Variants in RABGAP1L observed in about 807,000 individuals in gnomAD.
RABGAP1L encodes rab GTPase-activating protein 1-like.
In RABGAP1L, 63 loss-of-function variants were observed where a neutral mutation model predicts 137.7. That is an observed-to-expected ratio of 0.46 (90% confidence interval 0.37 to 0.56). RABGAP1L has a LOEUF of 0.56. Among genes scored for constraint, RABGAP1L ranks in the 20% least tolerant of loss-of-function variants. The pLI is 0.00. For synonymous variants in RABGAP1L, 431 were observed against 433.7 expected (o/e 0.99, Z 0.08); for missense variants, 1,095 against 1,244.0 (o/e 0.88, Z 1.80).
At chr1:174,840,926 A>G (rs1320659586) in intron 19 of RABGAP1L, among the ~76,000 whole-genome samples, 1 of 152,120 alleles carries the variant, frequency 6.6e-6, no homozygotes, top group Non-Finnish European at 1.5e-5. Context: ...TAGAGATTAT[A>G]TCTTTACTGT....
chr1:174,989,372 A>G (rs1356945870), intron 25 of RABGAP1L, among the ~76,000 whole-genome samples: 3 of 152,120 alleles, frequency 2.0e-5, no homozygotes, highest in African/African-American at 7.2e-5. Flanking sequence ...AGTGATCCCT[A>G]CCAGCACCAT....
intron 7 of RABGAP1L, among the ~76,000 whole-genome samples, chr1:174,266,060 C>T (rs1221671472): frequency 6.6e-6 from 1 of 152,086 alleles, no homozygotes; most frequent in Non-Finnish European, 1.5e-5. Flanking sequence ...CTTCCTATTA[C>T]TGATATCACT....
intron 19 of RABGAP1L, among the ~76,000 whole-genome samples, chr1:174,889,077 T>C (rs1655661957): frequency 6.6e-6 from 1 of 152,138 alleles, no homozygotes; most frequent in Admixed American, 6.5e-5. Flanking sequence ...TAATTAGCTC[T>C]TTTGTTTTCT....
At chr1:174,706,292 T>G (rs1204310149) in intron 17 of RABGAP1L, among the ~76,000 whole-genome samples, 1 of 152,178 alleles carries the variant, frequency 6.6e-6, no homozygotes, top group African/African-American at 2.4e-5. Context: ...AATCTGAATA[T>G]ATGATAACAT....
chr1:174,898,504 G>A (rs1426353702), intron 19 of RABGAP1L, among the ~76,000 whole-genome samples: 6 of 152,172 alleles, frequency 3.9e-5, no homozygotes, highest in Admixed American at 2.0e-4. Context: ...TAAGTTAGAC[G>A]ACAAATCTAT....
chr1:174,278,787 C>CT lies in RABGAP1L; in HGVS notation c.1323+13dup. On this transcript the variant is annotated intron_variant, in intron 10 of 25. Coordinates refer to ENST00000681986, the MANE Select transcript of RABGAP1L (RefSeq NM_001366446.1). The stretch of plus-strand genomic sequence containing the variant: ...TTCATGAGATTGAAACAGGTAGGAC[C>CT]TTTTTGTTCTCTTCATATATAGTAA... The CT allele has an allele frequency of 6.6e-7, 1 of 1,509,928 alleles. No individual in the cohort carries two copies. Among genetic ancestry groups the CT allele is most frequent in the South Asian group, 1.4e-5 (1 of 72,762 alleles). The allele number at this position is 1,509,928 out of a possible 1,614,324, so 93.5% of individuals were successfully genotyped here.
chr1:174,415,713 G>T (rs1056336464), intron 13 of RABGAP1L, among the ~76,000 whole-genome samples: 1 of 151,980 alleles, frequency 6.6e-6, no homozygotes, highest in Admixed American at 6.6e-5. Flanking sequence ...CTACCCATCT[G>T]TCTAGTTGGC....
chr1:174,924,596 C>T (rs1662400638), intron 19 of RABGAP1L, among the ~76,000 whole-genome samples: 1 of 151,986 alleles, frequency 6.6e-6, no homozygotes, highest in South Asian at 2.1e-4. Flanking sequence ...TCCCCAGGCC[C>T]AGAAAAGATT....
At chr1:174,517,080 C>T (rs1381984183) in intron 13 of RABGAP1L, among the ~76,000 whole-genome samples, 1 of 151,742 alleles carries the variant, frequency 6.6e-6, no homozygotes, top group African/African-American at 2.4e-5. Flanking sequence ...CAAAGAGAAA[C>T]TTGTTATAAA....
At chr1:174,313,858 T>C (rs1679104206) in intron 11 of RABGAP1L, among the ~76,000 whole-genome samples, 1 of 152,202 alleles carries the variant, frequency 6.6e-6, no homozygotes, top group African/African-American at 2.4e-5. Flanking sequence ...AAATCTCAAT[T>C]GGTCATCATG....
chr1:174,802,443 A>C (rs368530596), intron 18 of RABGAP1L, among the ~76,000 whole-genome samples: 5 of 152,144 alleles, frequency 3.3e-5, no homozygotes, highest in African/African-American at 1.2e-4. Flanking sequence ...CCCCATCTCT[A>C]CTAAAAATAC....
At chr1:174,738,836 T>C (rs1219973166) in intron 17 of RABGAP1L, among the ~76,000 whole-genome samples, 1 of 152,264 alleles carries the variant, frequency 6.6e-6, no homozygotes, top group Non-Finnish European at 1.5e-5. Flanking sequence ...ACAGGGCTTA[T>C]AGAGCCTTTC....
chr1:174,299,412 T>C (rs1371907774), intron 10 of RABGAP1L, among the ~76,000 whole-genome samples: 1 of 152,222 alleles, frequency 6.6e-6, no homozygotes, highest in Admixed American at 6.5e-5. Context: ...ACTGGGCTTT[T>C]ATGGGCTCTG....
intron 10 of RABGAP1L, among the ~76,000 whole-genome samples, chr1:174,298,681 G>A (rs893529546): frequency 1.3e-5 from 2 of 152,188 alleles, no homozygotes; most frequent in African/African-American, 4.8e-5. Context: ...ACAAGGGAGA[G>A]GAAAGGATGT....
chr1:174,842,928 T>G (rs1419211130), intron 19 of RABGAP1L, among the ~76,000 whole-genome samples: 2 of 152,178 alleles, frequency 1.3e-5, no homozygotes, highest in Non-Finnish European at 2.9e-5. Context: ...TTTCGAAAGT[T>G]TCTACTGCTG....
At chr1:174,751,462 A>G (rs1684328408) in intron 17 of RABGAP1L, among the ~76,000 whole-genome samples, 1 of 152,204 alleles carries the variant, frequency 6.6e-6, no homozygotes, top group Non-Finnish European at 1.5e-5. Context: ...GACTTATGGG[A>G]CTTATGCCAA....
At chr1:174,471,201 C>G (rs754345098) in intron 13 of RABGAP1L, among the ~76,000 whole-genome samples, 10 of 152,144 alleles carry the variant, frequency 6.6e-5, no homozygotes, top group Non-Finnish European at 1.5e-4. Flanking sequence ...ACTTACCCAT[C>G]TTCTTATTGA....
Position 174,891,956 on chromosome 1 carries a change from C to T in RABGAP1L, c.2341-65501C>T, listed in dbSNP as rs549550502. Among the ~76,000 whole-genome samples the T allele has an allele frequency of 3.1e-5, 4 of 128,172 alleles. No homozygotes were observed. The South Asian group carries it at 9.2e-4, about 29-fold the overall frequency. 84.1% of individuals were successfully genotyped at this position (128,172 alleles called of 152,430 possible). A position where few individuals can be genotyped will look rare whatever the true frequency, so the allele number is the denominator to read the frequency against. ...AAGTTTACTACTCTGAGGTAATCTC[C>T]CTATCCAAATAATTCCTGTTGTCTA... On this transcript the variant is annotated intron_variant, in intron 19 of 25. Coordinates refer to ENST00000681986, the MANE Select transcript of RABGAP1L (RefSeq NM_001366446.1).
chr1:174,430,811 T>A, intron 13 of RABGAP1L, among the ~76,000 whole-genome samples: 1 of 152,164 alleles, frequency 6.6e-6, no homozygotes, highest in South Asian at 2.1e-4. Flanking sequence ...ATGATTAAGA[T>A]TTTGTTTTTT....
Sources: gnomAD v4.1 joint callset for allele counts (sites outside exome capture counted in the v4.1 genomes callset) on GRCh38, gnomAD v4.1.1 for gene constraint, MANE v1.5 for transcripts, NCBI Gene and HGNC (gene_info 2026-07-23, HGNC 2026-07-21) for gene names.